CHIC1: variants seen among roughly 807,000 people sequenced by gnomAD.
CHIC1 encodes the protein cysteine rich hydrophobic domain 1.
Under a neutral mutation model 18.5 loss-of-function variants are expected in CHIC1, and 7 were observed. The ratio of observed to expected loss-of-function variants is 0.38; its 90% CI spans 0.22 to 0.71. The LOEUF (loss-of-function observed/expected upper bound fraction) is 0.71. CHIC1 is among the 30% of genes least tolerant of loss of function. CHIC1 has a pLI of 0.49. For missense variants in CHIC1, 159 were observed against 176.9 expected, an observed-to-expected ratio of 0.90 and a Z score of 0.57; for synonymous variants, 77 against 73.5, an observed-to-expected ratio of 1.05 and a Z score of -0.25.
chrX:73,658,681 G>A (rs994474406), intron 3 of CHIC1, among the ~76,000 whole-genome samples: 14 of 109,853 alleles, frequency 1.3e-4, no homozygotes, highest in African/African-American at 4.7e-4. Context: ...ACTAAATTTG[G>A]CATGTTTGTT....
chrX:73,660,497 C>A (rs2057974545), intron 3 of CHIC1, among the ~76,000 whole-genome samples: 1 of 111,889 alleles, frequency 8.9e-6, no homozygotes, highest in Admixed American at 9.4e-5. Flanking sequence ...AGGATTAATA[C>A]CCTACGCGAG....
At chrX:73,588,042 G>A (rs2057561723) in intron 3 of CHIC1, among the ~76,000 whole-genome samples, 1 of 111,595 alleles carries the variant, frequency 9.0e-6, no homozygotes, top group African/African-American at 3.2e-5. Flanking sequence ...TACAGTGATT[G>A]GTATTAAGCT....
chrX:73,609,666 G>C (rs868154374), intron 3 of CHIC1, among the ~76,000 whole-genome samples: 2 of 109,624 alleles, frequency 1.8e-5, no homozygotes, highest in Admixed American at 1.9e-4. Flanking sequence ...CCTCAGCCTT[G>C]TTTTCTCTAA....
chrX:73,677,238 A>C (rs985669441), intron 3 of CHIC1, among the ~76,000 whole-genome samples: 1 of 111,732 alleles, frequency 8.9e-6, no homozygotes, highest in Non-Finnish European at 1.9e-5. Flanking sequence ...GTGCTGGGAG[A>C]ACCACTACTC....
chrX:73,598,678 T>A (rs2057624879), intron 3 of CHIC1, among the ~76,000 whole-genome samples: 1 of 110,166 alleles, frequency 9.1e-6, no homozygotes, highest in Non-Finnish European at 1.9e-5. Flanking sequence ...TTTTTATGGC[T>A]GCATAGTATT....
chrX:73,636,290 TAA>T (rs1044208906), intron 3 of CHIC1, among the ~76,000 whole-genome samples: 1 of 111,693 alleles, frequency 9.0e-6, no homozygotes, highest in African/African-American at 3.3e-5. Flanking sequence ...GTTATATTTC[TAA>T]AAATGAGGTC....
intron 3 of CHIC1, among the ~76,000 whole-genome samples, chrX:73,648,205 G>A (rs1243876992): frequency 1.9e-5 from 2 of 105,822 alleles, no homozygotes; most frequent in Non-Finnish European, 1.9e-5. Context: ...CCAAGGGACA[G>A]CAGCTCCAAA....
Position 73,620,916 on chromosome X carries a change from A to G in CHIC1, c.507+36344A>G, listed in dbSNP as rs769342690. Among the ~76,000 whole-genome samples, 8 of 112,029 alleles carry G rather than the reference A, an allele frequency of 7.1e-5. No homozygotes were observed. The East Asian group carries it at 2.3e-3, about 32-fold the overall frequency. ...GGGGTCCAGTTTCAGTTTTCTGCAT[A>G]TGACTAGCAAGTTTTCACAACACCA... On this transcript the variant is annotated intron_variant, in intron 3 of 5. Coordinates refer to ENST00000373502, the MANE Select transcript of CHIC1 (RefSeq NM_001039840.4).
At chrX:73,599,125 G>A (rs1445548334) in intron 3 of CHIC1, among the ~76,000 whole-genome samples, 1 of 110,406 alleles carries the variant, frequency 9.1e-6, no homozygotes, top group Non-Finnish European at 1.9e-5. Flanking sequence ...CTGCATAAAT[G>A]TCTTCTTTTG....
At chrX:73,643,452 C>T (rs1318310691) in intron 3 of CHIC1, among the ~76,000 whole-genome samples, 3 of 111,516 alleles carry the variant, frequency 2.7e-5, no homozygotes, top group Non-Finnish European at 1.9e-5. Context: ...GGATAATATC[C>T]TGCAGAGTGT....
chrX:73,645,061 C>T (rs922005080), intron 3 of CHIC1, among the ~76,000 whole-genome samples: 3 of 112,272 alleles, frequency 2.7e-5, no homozygotes, highest in Non-Finnish European at 5.6e-5. Flanking sequence ...TCTTCTGCGT[C>T]GCTCACGCTG....
chrX:73,598,208 A>C (rs1382273883), intron 3 of CHIC1, among the ~76,000 whole-genome samples: 1 of 110,840 alleles, frequency 9.0e-6, no homozygotes, highest in Non-Finnish European at 1.9e-5. Flanking sequence ...TGTCTTCCAC[A>C]ATGGTTTAAC....
intron 3 of CHIC1, among the ~76,000 whole-genome samples, chrX:73,602,898 A>G (rs924692186): frequency 9.2e-6 from 1 of 108,995 alleles, no homozygotes. Flanking sequence ...TATTAGTACA[A>G]TGCTGTTTTG....
At chrX:73,679,514 A>G in intron 4 of CHIC1, 132 bp downstream of exon 4, 1 of 556,086 alleles carries the variant, frequency 1.8e-6, no homozygotes, top group South Asian at 3.6e-5. Context: ...TTTAATATAT[A>G]TTCTTTACAA....
At chrX:73,624,735 C>G (rs1435673412) in intron 3 of CHIC1, among the ~76,000 whole-genome samples, 1 of 111,997 alleles carries the variant, frequency 8.9e-6, no homozygotes, top group Non-Finnish European at 1.9e-5. Context: ...AAACTTCATC[C>G]AGTTTTTTTG....
At chrX:73,647,242 A>G (rs910720263) in intron 3 of CHIC1, among the ~76,000 whole-genome samples, 5 of 112,211 alleles carry the variant, frequency 4.5e-5, no homozygotes, top group South Asian at 3.7e-4. Context: ...CATCAGAGCC[A>G]TGCAGATTCT....
In CHIC1 at chrX:73,595,453, T is replaced by C. The variant is rs144953396; in HGVS notation, c.507+10881T>C. On this transcript the variant is annotated intron_variant, in intron 3 of 5. Transcript: ENST00000373502. The stretch of plus-strand genomic sequence containing the variant: ...GTTTTCTGTTCCTGTGTTAGTTTGC[T>C]GAGAAAGATGGCTTCCAGCTTCACC... 4.2e-3 allele frequency among the ~76,000 whole-genome samples: 469 copies of C among 111,573 alleles called. 17 individuals carry two copies. The highest frequency in any genetic ancestry group is 0.041 in the Admixed American group (428 of 10,430).
intron 3 of CHIC1, among the ~76,000 whole-genome samples, chrX:73,588,894 A>G (rs758179363): frequency 6.3e-5 from 7 of 110,249 alleles, no homozygotes; most frequent in Non-Finnish European, 1.3e-4. Context: ...AGTGATATGT[A>G]ATGTCCCTAT....
chrX:73,676,782 C>T (rs188464919), intron 3 of CHIC1, among the ~76,000 whole-genome samples: 4 of 112,057 alleles, frequency 3.6e-5, no homozygotes, highest in South Asian at 3.7e-4. Flanking sequence ...TGAGGAGCTG[C>T]GTTCCTTTGG....
Sources: gnomAD v4.1 joint callset for allele counts (sites outside exome capture counted in the v4.1 genomes callset) on GRCh38, gnomAD v4.1.1 for gene constraint, MANE v1.5 for transcripts, NCBI Gene and HGNC (gene_info 2026-07-23, HGNC 2026-07-21) for gene names.